The following TNR variants were observed in gnomAD, a reference collection of about 807,000 sequenced individuals.
TNR encodes the protein tenascin-R.
In TNR, 45 loss-of-function variants were observed where a neutral mutation model predicts 150.4. That is an observed-to-expected ratio of 0.30 (90% CI 0.24 to 0.38). The LOEUF is 0.38. Among genes scored for constraint, TNR ranks in the 10% least tolerant of loss-of-function variants. TNR has a pLI of 1.00. For missense variants in TNR, 1,544 were observed against 1,759.1 expected (o/e 0.88, Z 2.19); for synonymous variants, 687 against 678.4 (o/e 1.01, Z -0.20).
intron 1 of TNR, among the ~76,000 whole-genome samples, chr1:175,631,428 G>A (rs558378655): frequency 6.6e-6 from 1 of 152,306 alleles, no homozygotes; most frequent in South Asian, 2.1e-4. Flanking sequence ...AGTTTTGAAT[G>A]CAGTCCAACC....
intron 1 of TNR, among the ~76,000 whole-genome samples, chr1:175,715,451 T>A (rs1202924009): frequency 6.6e-6 from 1 of 152,126 alleles, no homozygotes; most frequent in Admixed American, 6.5e-5. Context: ...ATTCTTCCCT[T>A]CTCTTTCATC....
chr1:175,445,794 T>C (rs1048948706), intron 2 of TNR, among the ~76,000 whole-genome samples: 1 of 152,264 alleles, frequency 6.6e-6, no homozygotes, highest in Non-Finnish European at 1.5e-5. Context: ...AATTCATGCA[T>C]GACCTATGAT....
At chr1:175,608,928 T>A (rs1437457327) in intron 1 of TNR, among the ~76,000 whole-genome samples, 2 of 152,276 alleles carry the variant, frequency 1.3e-5, no homozygotes, top group East Asian at 3.9e-4. Context: ...TCAGTCAACT[T>A]GAGTGCACAC....
In TNR at chr1:175,323,818, C is replaced by G. The variant is rs141482283; in HGVS notation, c.3958-342G>C. On this transcript the variant is annotated intron_variant, in intron 22 of 22. Transcript: ENST00000367674. Reference sequence around the variant, plus strand: ...TTTGGAAGAGAATAACTGTGTTTGACTGCTCACTCCTAATGGGAGACTTAG... The same window carrying G: ...TTTGGAAGAGAATAACTGTGTTTGAGTGCTCACTCCTAATGGGAGACTTAG... 1.6e-3 allele frequency among the ~76,000 whole-genome samples: 246 copies of G among 152,322 alleles called. 1 individual carries two copies. The highest frequency in any genetic ancestry group is 5.6e-3 in the African/African-American group (233 of 41,568).
chr1:175,414,765 C>T (rs1654362301), intron 2 of TNR, among the ~76,000 whole-genome samples: 1 of 152,152 alleles, frequency 6.6e-6, no homozygotes, highest in African/African-American at 2.4e-5. Context: ...CTCTTCCTCC[C>T]CCACATGACC....
chr1:175,708,831 T>C (rs1666913160), intron 1 of TNR, among the ~76,000 whole-genome samples: 1 of 152,148 alleles, frequency 6.6e-6, no homozygotes, highest in Non-Finnish European at 1.5e-5. Flanking sequence ...AAATTCTACT[T>C]GCATTTTCAA....
At chr1:175,687,228 GGA>G (rs1370573444) in intron 1 of TNR, among the ~76,000 whole-genome samples, 1 of 152,044 alleles carries the variant, frequency 6.6e-6, no homozygotes, top group Non-Finnish European at 1.5e-5. Flanking sequence ...TCTGGCCAGA[GGA>G]GAAAAGAGAA....
rs1658150771 is a variant in TNR, at chr1:175,489,435, G to A, written c.-64+38834C>T. 2.0e-5 allele frequency among the ~76,000 whole-genome samples: 3 copies of A among 152,312 alleles called. No individual in the cohort carries two copies. In the South Asian group the frequency reaches 6.2e-4, roughly 32 times the overall value. ...CCTTTAGGGTCTGTACAAAGAATTT[G>A]ATCATCCCAAACACCCTGTGAATCA... On this transcript the variant is annotated intron_variant, in intron 2 of 22. Coordinates refer to ENST00000367674, the MANE Select transcript of TNR (RefSeq NM_003285.3).
At chr1:175,474,066 T>C (rs916819827) in intron 2 of TNR, among the ~76,000 whole-genome samples, 1 of 152,138 alleles carries the variant, frequency 6.6e-6, no homozygotes, top group Non-Finnish European at 1.5e-5. Context: ...CGGATATATT[T>C]CGATTTAATA....
At chr1:175,709,565 A>G (rs1341172298) in intron 1 of TNR, among the ~76,000 whole-genome samples, 1 of 152,258 alleles carries the variant, frequency 6.6e-6, no homozygotes, top group African/African-American at 2.4e-5. Flanking sequence ...GAGTTAAAAC[A>G]GAAAAGTTTG....
At chr1:175,328,752 A>G (rs190358898) in intron 21 of TNR, among the ~76,000 whole-genome samples, 4 of 152,334 alleles carry the variant, frequency 2.6e-5, no homozygotes, top group South Asian at 2.1e-4. Context: ...GAGCTGGAAC[A>G]GAGGGAGCAA....
At chr1:175,708,991 A>AC (rs371908288) in intron 1 of TNR, among the ~76,000 whole-genome samples, 1 of 152,098 alleles carries the variant, frequency 6.6e-6, no homozygotes, top group African/African-American at 2.4e-5. Flanking sequence ...CGTGGCGAGC[A>AC]TGTTATATCA....
intron 1 of TNR, among the ~76,000 whole-genome samples, chr1:175,560,057 C>T (rs1481070413): frequency 6.6e-6 from 1 of 152,212 alleles, no homozygotes; most frequent in Non-Finnish European, 1.5e-5. Flanking sequence ...ACCTTGTAAT[C>T]TGCCATTGAT....
rs144442633 is a variant in TNR at position 175,590,915 on chromosome 1, C to T, written c.-164-62546G>A. Among the ~76,000 whole-genome samples the T allele has an allele frequency of 1.5e-3, 222 of 152,292 alleles. 3 individuals carry two copies. Among genetic ancestry groups the T allele is most frequent in the African/African-American group, 4.9e-3 (205 of 41,574 alleles). ...CATAATATGAGCGCTGAGGATCTCA[C>T]GCTAGTTATAGCAGACAGGGCAAGT... is the stretch of plus-strand genomic sequence containing the variant. On this transcript the variant is annotated intron_variant, in intron 1 of 22. Coordinates refer to ENST00000367674, the MANE Select transcript of TNR (RefSeq NM_003285.3).
intron 2 of TNR, among the ~76,000 whole-genome samples, chr1:175,461,184 G>A (rs1656804676): frequency 1.3e-5 from 2 of 152,192 alleles, no homozygotes; most frequent in Admixed American, 1.3e-4. Context: ...CACCCTGCAG[G>A]GGTCTGCATT....
At chr1:175,534,753 G>A (rs1006498892) in intron 1 of TNR, among the ~76,000 whole-genome samples, 24 of 152,168 alleles carry the variant, frequency 1.6e-4, no homozygotes, top group Non-Finnish European at 3.1e-4. Context: ...GCCTATAGTG[G>A]CTGATATGGT....
At chr1:175,493,333 A>T (rs1290923444) in intron 2 of TNR, among the ~76,000 whole-genome samples, 1 of 152,214 alleles carries the variant, frequency 6.6e-6, no homozygotes, top group Non-Finnish European at 1.5e-5. Context: ...AAACTGAGGA[A>T]GTTTTAGAAG....
chr1:175,363,045 G>T (rs12406012), intron 13 of TNR, among the ~76,000 whole-genome samples: 3 of 152,216 alleles, frequency 2.0e-5, no homozygotes, highest in Non-Finnish European at 2.9e-5. Context: ...CCTATTAAGT[G>T]GTTTTCTAAC....
At position 175,386,279 on chromosome 1, in the gene TNR, G is replaced by A; in HGVS notation, c.1530C>T (p.Ile510=). ...CAGTGTCCGAGACATCGCGAACCAG[G>A]ATCTGCGTGGGGCCGTCAATGACTG... ...VSTVIDGPTQ[I]LVRDVSDTVA... The change falls in exon 8 of 23, where the codon ATC becomes ATT. Residue 510 remains isoleucine, a synonymous_variant. Coordinates refer to ENST00000367674, the MANE Select transcript of TNR (RefSeq NM_003285.3). The A allele has an allele frequency of 1.3e-6, 2 of 1,576,208 alleles. No individual in the cohort carries two copies. The highest frequency in any genetic ancestry group is 1.7e-6 in the Non-Finnish European group (2 of 1,154,954).
Sources: gnomAD v4.1 joint callset for allele counts (sites outside exome capture counted in the v4.1 genomes callset) on GRCh38, gnomAD v4.1.1 for gene constraint, MANE v1.5 for transcripts, NCBI Gene and HGNC (gene_info 2026-07-23, HGNC 2026-07-21) for gene names.